Variants in PKHD1L1 observed in about 807,000 individuals in gnomAD.
The protein encoded by PKHD1L1 is fibrocystin-L.
In PKHD1L1, 434 loss-of-function variants were observed where a neutral mutation model predicts 462.9. The observed-to-expected ratio is 0.94, with a 90% CI of 0.87 to 1.02. PKHD1L1 has a LOEUF of 1.02. PKHD1L1 is among the 50% of genes least tolerant of loss of function. The pLI is 0.00. For synonymous variants in PKHD1L1, 1,781 were observed against 1,750.0 expected (o/e 1.02, Z -0.44); for missense variants, 5,202 against 5,096.1 (o/e 1.02, Z -0.63).
intron 76 of PKHD1L1, 99 bp from the exon 77 acceptor site, chr8:109,526,685 C>A (rs1820831046): frequency 1.0e-6 from 1 of 992,800 alleles, no homozygotes; most frequent in Non-Finnish European, 1.5e-6. Flanking sequence ...TCATCAGGAT[C>A]TATATAGTGT....
At chr8:109,446,807 T>C (rs1314260198) in intron 38 of PKHD1L1, among the ~76,000 whole-genome samples, 2 of 152,198 alleles carry the variant, frequency 1.3e-5, no homozygotes, top group African/African-American at 4.8e-5. Flanking sequence ...AGAACTGAGC[T>C]GTTTTATTTG....
intron 53 of PKHD1L1, among the ~76,000 whole-genome samples, chr8:109,478,259 TA>T (rs1247842099): frequency 6.6e-6 from 1 of 152,000 alleles, no homozygotes. Flanking sequence ...ATTCAACCAC[TA>T]AAAAAAATTT....
At position 109,444,025 on chromosome 8, in the gene PKHD1L1, A is replaced by C. The variant is rs1219317981; in HGVS notation, c.4791+123A>C. The stretch of plus-strand genomic sequence containing the variant: ...AGCTATATCACATACCATACAATTC[A>C]CCCACTTAAAGTGTACAATTCATAA... On this transcript the variant is annotated intron_variant, in intron 37 of 77. Coordinates refer to ENST00000378402, the MANE Select transcript of PKHD1L1 (RefSeq NM_177531.6). 4.9e-6 allele frequency: 4 copies of C among 820,718 alleles called. No homozygotes were observed. The African/African-American group carries it at 6.9e-5, about 14-fold the overall frequency. The allele number at this position is 820,718 out of a possible 1,614,324, so 50.8% of individuals were successfully genotyped here. A position where few individuals can be genotyped will look rare whatever the true frequency, so the allele number is the denominator to read the frequency against.
chr8:109,404,731 T>C lies in PKHD1L1; in HGVS notation c.1533+18T>C, dbSNP rs1383684831. 6.3e-7 allele frequency: 1 copy of C among 1,578,270 alleles called. No homozygotes were observed. The highest frequency in any genetic ancestry group is 2.3e-5 in the East Asian group (1 of 43,994). On this transcript the variant is annotated intron_variant, in intron 15 of 77. Transcript: ENST00000378402. ...AAGTACAGGTTTGCTATGATTGCAGTTCCTCTTACAGAAAGTAAATGTTCG... is the reference window on the plus strand; with the variant it reads ...AAGTACAGGTTTGCTATGATTGCAGCTCCTCTTACAGAAAGTAAATGTTCG...
At chr8:109,458,996 T>C (rs1203986425) in intron 46 of PKHD1L1, among the ~76,000 whole-genome samples, 2 of 152,112 alleles carry the variant, frequency 1.3e-5, no homozygotes, top group Admixed American at 6.6e-5. Flanking sequence ...TGGGGTATAT[T>C]TGGAGGAATG....
chr8:109,389,819 C>T lies in PKHD1L1; in HGVS notation c.698-633C>T, dbSNP rs567225780. Among the ~76,000 whole-genome samples the T allele has an allele frequency of 1.5e-3, 223 of 152,072 alleles. 1 individual carries two copies. Among genetic ancestry groups the T allele is most frequent in the Non-Finnish European group, 2.0e-3 (134 of 68,004 alleles). On this transcript the variant is annotated intron_variant, in intron 8 of 77. Transcript: ENST00000378402. ...CTGGGATTACAGGGGTGAGCCAACG[C>T]GCCTGGCCTTCTTTTAATTCTTGAA...
Position 109,470,722 on chromosome 8 carries a change from T to A in PKHD1L1, c.8605+3953T>A, listed in dbSNP as rs1817672755. On this transcript the variant is annotated intron_variant, in intron 50 of 77. Transcript: ENST00000378402. ...AAATCTGGTTCAATTAGAAGCCTTG[T>A]ACCAATCTTCTTGGGACAGCCAGTT... 5.1e-6 allele frequency: 8 copies of A among 1,572,834 alleles called. No individual in the cohort carries two copies. The South Asian group carries it at 9.1e-5, about 18-fold the overall frequency.
intron 63 of PKHD1L1, 111 bp from the exon 64 acceptor site, chr8:109,496,808 T>A (rs966195467): frequency 2.2e-5 from 25 of 1,137,252 alleles, no homozygotes; most frequent in Non-Finnish European, 2.8e-5. Context: ...GATATCAGAA[T>A]TATGTATGTA....
intron 74 of PKHD1L1, 70 bp downstream of exon 74, chr8:109,522,407 ACT>A (rs1204029595): frequency 8.7e-6 from 12 of 1,381,456 alleles, no homozygotes; most frequent in Admixed American, 7.8e-5. Context: ...TCTTATTTTA[ACT>A]CTCTGTTTCT....
chr8:109,424,159 C>G (rs1373710017), intron 23 of PKHD1L1, among the ~76,000 whole-genome samples: 1 of 152,174 alleles, frequency 6.6e-6, no homozygotes, highest in Non-Finnish European at 1.5e-5. Context: ...TTGACATCTA[C>G]TACCCTGAAT....
chr8:109,476,948 T>C (rs1299553984), intron 52 of PKHD1L1, among the ~76,000 whole-genome samples: 1 of 152,140 alleles, frequency 6.6e-6, no homozygotes, highest in African/African-American at 2.4e-5. Flanking sequence ...CTGGCATATG[T>C]TTTGTTTCCA....
Position 109,445,316 on chromosome 8 carries a change from T to C in PKHD1L1, c.5447T>C (p.Val1816Ala), listed in dbSNP as rs774278605. The change falls in exon 38 of 78, where the codon GTG (valine) becomes GCG (alanine). Residue 1816 changes from valine to alanine, a missense_variant. By Grantham distance (64) the Val-to-Ala change is moderately conservative. This residue lies in a region of PKHD1L1 where 4,497 missense variants were observed against 4,336.8 expected (regional missense o/e 1.04). Coordinates refer to ENST00000378402, the MANE Select transcript of PKHD1L1 (RefSeq NM_177531.6). ...GGACATCATTCTGTTAGTGTTGTGG[T>C]GGGAAGTAAAGGCTTGGCTCTGGGA... ...PVGHHSVSVV[V>A]GSKGLALGNL... 7.4e-6 allele frequency: 12 copies of C among 1,613,828 alleles called. No homozygotes were observed. Among genetic ancestry groups the C allele is most frequent in the African/African-American group, 2.7e-5 (2 of 74,908 alleles).
chr8:109,374,224 C>T (rs539828964), intron 2 of PKHD1L1, among the ~76,000 whole-genome samples: 59 of 152,322 alleles, frequency 3.9e-4, no homozygotes, highest in Admixed American at 1.8e-3. Flanking sequence ...GTTAGCTCTT[C>T]TTGTTGAATT....
rs180686185 is a variant in PKHD1L1, at chr8:109,536,100, A to G, written c.*6010A>G. Among the ~76,000 whole-genome samples the G allele has an allele frequency of 2.6e-3, 398 of 152,292 alleles. 3 individuals carry two copies. Among genetic ancestry groups the G allele is most frequent in the Admixed American group, 5.0e-3 (77 of 15,302 alleles). On this transcript the variant is annotated 3_prime_UTR_variant, in exon 78 of 78. Transcript: ENST00000378402. ...ATGTCTACTTCTGGTTGCTGATGAC[A>G]TAAAATTCACCTCTATTTCTTGGAA...
rs181359062 is a variant in PKHD1L1, at chr8:109,536,403, T to G, written c.*6313T>G. Among the ~76,000 whole-genome samples, 27 of 152,370 alleles carry G rather than the reference T, an allele frequency of 1.8e-4. No homozygotes were observed. Among genetic ancestry groups the G allele is most frequent in the African/African-American group, 5.5e-4 (23 of 41,590 alleles). ...TCTCACATTGTTTCATGTTGTTTTA[T>G]TTCTACTTTCTCAATCCATGTACAA... On this transcript the variant is annotated 3_prime_UTR_variant, in exon 78 of 78. Transcript: ENST00000378402.
intron 71 of PKHD1L1, among the ~76,000 whole-genome samples, chr8:109,511,268 T>C (rs1319816840): frequency 6.6e-6 from 1 of 152,106 alleles, no homozygotes; most frequent in Non-Finnish European, 1.5e-5. Flanking sequence ...CATGTATATA[T>C]GTGCCATGCC....
At chr8:109,400,581 G>A (rs990051182) in intron 13 of PKHD1L1, among the ~76,000 whole-genome samples, 8 of 147,828 alleles carry the variant, frequency 5.4e-5, no homozygotes, top group African/African-American at 2.0e-4. Flanking sequence ...ACATTAACTT[G>A]GTTATGAGAT....
chr8:109,513,973 C>G (rs542918501), intron 71 of PKHD1L1, among the ~76,000 whole-genome samples: 2 of 152,208 alleles, frequency 1.3e-5, no homozygotes, highest in South Asian at 2.1e-4. Context: ...TCACGTCTCT[C>G]CCATGCCCCA....
rs746110775 is a variant in PKHD1L1 at position 109,522,827 on chromosome 8, G to A, written c.12267G>A (p.Pro4089=). ...FVSSLLVITQ[P]VAAQPGQPFP... The stretch of plus-strand genomic sequence containing the variant: ...CCTCACTCTTAGTGATCACTCAGCC[G>A]GTGGCAGCACAGCCAGGACAGCCAT... The change falls in exon 75 of 78, where the codon CCG becomes CCA. Residue 4089 remains proline (P), a synonymous_variant. Transcript: ENST00000378402. 32 of 1,611,906 alleles carry A rather than the reference G, an allele frequency of 2.0e-5. No individual in the cohort carries two copies. Among genetic ancestry groups the A allele is most frequent in the Admixed American group, 3.4e-5 (2 of 59,466 alleles).
Sources: allele counts gnomAD v4.1 joint callset (sites outside exome capture counted in the v4.1 genomes callset), GRCh38; gene constraint gnomAD v4.1.1; regional missense constraint gnomAD v4.1.1; transcripts MANE v1.5; gene names NCBI Gene and HGNC (gene_info 2026-07-23, HGNC 2026-07-21).